Variants in ANAPC1 observed in about 807,000 individuals in gnomAD.
ANAPC1 encodes anaphase promoting complex subunit 1, also known as anaphase-promoting complex subunit 1.
A neutral mutation model predicts 208.0 loss-of-function variants in ANAPC1; 36 were observed. That is an observed-to-expected ratio of 0.17 (90% CI 0.13 to 0.23). ANAPC1 has a LOEUF of 0.23. ANAPC1 is among the 10% of genes least tolerant of loss of function. ANAPC1 has a pLI of 1.00. For synonymous variants in ANAPC1, 378 were observed against 695.2 expected, an observed-to-expected ratio of 0.54 and a Z score of 7.18; for missense variants, 942 against 2,011.6, an observed-to-expected ratio of 0.47 and a Z score of 10.17.
In ANAPC1 at chr2:111,858,318, T is replaced by A. The variant is rs1328852683; in HGVS notation, c.1346A>T (p.Gln449Leu). Residue 449 changes from glutamine (Q) to leucine (L), a missense_variant, in exon 11 of 48, where the codon CAG becomes CTG. By Grantham distance (113) the Gln-to-Leu change is moderately radical. Coordinates refer to ENST00000341068, the MANE Select transcript of ANAPC1 (RefSeq NM_022662.4). Reference protein sequence around the residue: ...QKFLCFLVESQLQLRCVKFQE... With the variant: ...QKFLCFLVESLLQLRCVKFQE... The stretch of plus-strand genomic sequence containing the variant: ...GACATACACCTACCGTAACTGGAGC[T>A]GGGACTCTACTAAAAAGCACAGGAA... The A allele has an allele frequency of 9.9e-6, 16 of 1,613,218 alleles. No individual in the cohort carries two copies. The Admixed American group carries it at 2.7e-4, about 27-fold the overall frequency.
intron 10 of ANAPC1, among the ~76,000 whole-genome samples, chr2:111,861,225 G>A (rs1354358694): frequency 6.6e-6 from 1 of 152,066 alleles, no homozygotes; most frequent in South Asian, 2.1e-4. Flanking sequence ...ACAGATGCAC[G>A]CCATCATGCC....
intron 13 of ANAPC1, among the ~76,000 whole-genome samples, chr2:111,853,027 G>T (rs1443412302): frequency 6.6e-6 from 1 of 152,024 alleles, no homozygotes; most frequent in Non-Finnish European, 1.5e-5. Context: ...AGGATGGAGA[G>T]GACATGAACA....
At chr2:111,860,032 T>C (rs1381238520) in intron 10 of ANAPC1, among the ~76,000 whole-genome samples, 1 of 152,152 alleles carries the variant, frequency 6.6e-6, no homozygotes, top group African/African-American at 2.4e-5. Context: ...GCACAGTGGC[T>C]CACACCTGTA....
intron 38 of ANAPC1, among the ~76,000 whole-genome samples, chr2:111,790,565 G>T (rs1430096012): frequency 6.6e-6 from 1 of 152,120 alleles, no homozygotes; most frequent in African/African-American, 2.4e-5. Flanking sequence ...AAAAATCCGT[G>T]CCAGGTAGAT....
At chr2:111,859,158 G>C (rs1246919595) in intron 10 of ANAPC1, among the ~76,000 whole-genome samples, 2 of 151,916 alleles carry the variant, frequency 1.3e-5, no homozygotes, top group African/African-American at 4.8e-5. Flanking sequence ...TTTTGAAATC[G>C]TATCTCTAAT....
At chr2:111,797,688 C>T (rs1203828069) in intron 34 of ANAPC1, among the ~76,000 whole-genome samples, 1 of 151,514 alleles carries the variant, frequency 6.6e-6, no homozygotes, top group African/African-American at 2.4e-5. Context: ...TGGCAGGGGT[C>T]GGTAAACTAT....
intron 18 of ANAPC1, among the ~76,000 whole-genome samples, chr2:111,836,482 C>T (rs1225997256): frequency 6.7e-6 from 1 of 149,892 alleles, no homozygotes; most frequent in East Asian, 2.0e-4. Context: ...CTTGTCTCTA[C>T]CAAAAAAATT....
intron 13 of ANAPC1, among the ~76,000 whole-genome samples, chr2:111,851,989 A>G (rs908288299): frequency 2.6e-5 from 4 of 152,146 alleles, no homozygotes; most frequent in African/African-American, 7.2e-5. Flanking sequence ...ATGTTAACAC[A>G]CTACTCAAAA....
intron 38 of ANAPC1, among the ~76,000 whole-genome samples, chr2:111,791,111 G>T (rs1469921799): frequency 6.6e-6 from 1 of 152,104 alleles, no homozygotes; most frequent in East Asian, 1.9e-4. Flanking sequence ...TAAAAACTGG[G>T]TAGCAAGAGA....
chr2:111,784,523 A>C, intron 40 of ANAPC1, 123 bp from the exon 41 acceptor site: 1 of 1,301,968 alleles, frequency 7.7e-7, no homozygotes, highest in Non-Finnish European at 1.1e-6. Flanking sequence ...TTTAAATGGT[A>C]TAAAATCCTC....
At chr2:111,836,137 G>A (rs186303227) in intron 18 of ANAPC1, among the ~76,000 whole-genome samples, 25 of 151,760 alleles carry the variant, frequency 1.6e-4, no homozygotes, top group Admixed American at 1.5e-3. Flanking sequence ...CAGGTTATGC[G>A]CCATCATGCC....
intron 43 of ANAPC1, among the ~76,000 whole-genome samples, chr2:111,781,597 T>C (rs1213237864): frequency 6.6e-6 from 1 of 152,286 alleles, no homozygotes; most frequent in Non-Finnish European, 1.5e-5. Flanking sequence ...CCAGTCCGCC[T>C]GCCCCACTTT....
chr2:111,867,992 C>A (rs1377009950), intron 7 of ANAPC1, 31 bp downstream of exon 7: 3 of 1,461,766 alleles, frequency 2.1e-6, no homozygotes, highest in South Asian at 2.8e-5. Flanking sequence ...AAAAAAAGAG[C>A]TTATCTAAAA....
chr2:111,772,388 T>C lies in ANAPC1; in HGVS notation c.5672A>G (p.Tyr1891Cys), dbSNP rs779226295. The change falls in exon 47 of 48, where the codon TAC (tyrosine) becomes TGC (cysteine). Residue 1891 changes from tyrosine to cysteine, a missense_variant. By Grantham distance (194) the Tyr-to-Cys change is radical. Coordinates refer to ENST00000341068, the MANE Select transcript of ANAPC1 (RefSeq NM_022662.4). ...QLSMLACFLVYHSVPAPQHLP... is the reference protein window; with the variant it reads ...QLSMLACFLVCHSVPAPQHLP... ...GTGCTGTGGAGCTGGCACAGAGTGG[T>C]AGACGAGGAAGCAGGCCAGCATGCT... 1.7e-5 allele frequency: 28 copies of C among 1,608,176 alleles called. No homozygotes were observed. The highest frequency in any genetic ancestry group is 2.2e-5 in the Non-Finnish European group (26 of 1,177,746).
At chr2:111,801,850 C>A (rs1401446639) in intron 33 of ANAPC1, among the ~76,000 whole-genome samples, 1 of 150,552 alleles carries the variant, frequency 6.6e-6, no homozygotes. Context: ...AGGAAAGAAT[C>A]ATAGCTCTAT....
intron 22 of ANAPC1, among the ~76,000 whole-genome samples, chr2:111,825,388 C>G (rs1192988584): frequency 6.6e-6 from 1 of 152,190 alleles, no homozygotes; most frequent in Non-Finnish European, 1.5e-5. Flanking sequence ...CGTGCATGCT[C>G]AAGTCCTGCA....
rs775041785 is a variant in ANAPC1, at chr2:111,846,559, A to ATTTTTT, written c.1852+573_1852+578dup. 1.7e-3 allele frequency among the ~76,000 whole-genome samples: 80 copies of ATTTTTT among 46,310 alleles called. 4 individuals are homozygous for ATTTTTT. Among genetic ancestry groups the ATTTTTT allele is most frequent in the Non-Finnish European group, 2.5e-3 (64 of 25,924 alleles). 30.4% of individuals were successfully genotyped at this position (46,310 alleles called of 152,430 possible). A position where few individuals can be genotyped will look rare whatever the true frequency, so the allele number is the denominator to read the frequency against. ...CATATATATATATATATATATATAT[A>ATTTTTT]TTTTTTTTTTTTTTTTTTTTTTTTT... On this transcript the variant is annotated intron_variant, in intron 16 of 47. Transcript: ENST00000341068.
intron 24 of ANAPC1, among the ~76,000 whole-genome samples, chr2:111,823,000 C>CTTTTTTTT (rs58815496): frequency 1.6e-5 from 1 of 61,312 alleles, no homozygotes; most frequent in Non-Finnish European, 2.8e-5. Flanking sequence ...TCTTTTTATT[C>CTTTTTTTT]TTTTTTTTTT....
In ANAPC1 at chr2:111,842,673, T is replaced by G. The variant is rs142012516; in HGVS notation, c.2040+739A>C. On this transcript the variant is annotated intron_variant, in intron 17 of 47. Transcript: ENST00000341068. Reference sequence around the variant, plus strand: ...AAAAAAAAAAAAAATGGATTTGCTGTGCAAGGCTAAAACATATAGAATGGT... The same window carrying G: ...AAAAAAAAAAAAAATGGATTTGCTGGGCAAGGCTAAAACATATAGAATGGT... 5.4e-3 allele frequency among the ~76,000 whole-genome samples: 815 copies of G among 150,562 alleles called. 4 individuals are homozygous for G. The highest frequency in any genetic ancestry group is 0.018 in the African/African-American group (760 of 41,094).
Sources: allele counts gnomAD v4.1 joint callset (sites outside exome capture counted in the v4.1 genomes callset), GRCh38; gene constraint gnomAD v4.1.1; transcripts MANE v1.5; gene names NCBI Gene and HGNC (gene_info 2026-07-23, HGNC 2026-07-21).